Variants in LAMA5 observed in about 807,000 individuals in gnomAD.
LAMA5 encodes laminin subunit alpha-5.
Under a neutral mutation model 433.4 loss-of-function variants are expected in LAMA5, and 260 were observed. The observed-to-expected ratio is 0.60, with a 90% CI of 0.54 to 0.66. The LOEUF is 0.66. Among genes scored for constraint, LAMA5 ranks in the 30% least tolerant of loss-of-function variants. LAMA5 has a pLI of 0.00. For synonymous variants in LAMA5, 2,620 were observed against 2,226.6 expected, an observed-to-expected ratio of 1.18 and a Z score of -4.97; for missense variants, 5,378 against 5,258.5, an observed-to-expected ratio of 1.02 and a Z score of -0.70.
rs150998056 is a variant in LAMA5 at position 62,318,555 on chromosome 20, C to G, written c.7138G>C (p.Gly2380Arg). 2 of 1,610,028 alleles carry G rather than the reference C, an allele frequency of 1.2e-6. No individual in the cohort carries two copies. Among genetic ancestry groups the G allele is most frequent in the South Asian group, 1.1e-5 (1 of 91,080 alleles). ...AAAGCCTCTCGCAGGTCCATGAGGC[C>G]GGCCTCGTGCTGGGCCAGCCGGTCG... ...TRDRLAQHEA[G>R]LMDLREALNR... Residue 2380 changes from glycine to arginine, a missense_variant, in exon 53 of 80, where the codon GGC (glycine) becomes CGC (arginine). Gly to Arg is a moderately radical substitution (Grantham distance 125). Transcript: ENST00000252999.
At chr20:62,336,855 C>A in intron 16 of LAMA5, 69 bp from the exon 17 acceptor site, 1 of 1,519,880 alleles carries the variant, frequency 6.6e-7, no homozygotes, top group Non-Finnish European at 9.0e-7. Context: ...GTGTCCCAGG[C>A]CCAGCCAGAA....
At chr20:62,344,086 G>A (rs1316036637) in intron 11 of LAMA5, among the ~76,000 whole-genome samples, 1 of 145,450 alleles carries the variant, frequency 6.9e-6, no homozygotes, top group Non-Finnish European at 1.5e-5. Flanking sequence ...ACAAGTGGTA[G>A]CGAGCCAAGA....
At chr20:62,345,955 C>T in intron 10 of LAMA5, 78 bp from the exon 11 acceptor site, 1 of 1,568,896 alleles carries the variant, frequency 6.4e-7, no homozygotes, top group South Asian at 1.2e-5. Flanking sequence ...CCCTTGGTCT[C>T]TCAGCACAAT....
intron 11 of LAMA5, among the ~76,000 whole-genome samples, chr20:62,342,468 G>C (rs1036879121): frequency 3.9e-5 from 6 of 152,004 alleles, no homozygotes; most frequent in African/African-American, 1.4e-4. Flanking sequence ...ATGAGGTCAG[G>C]AGATCGAGAC....
intron 2 of LAMA5, among the ~76,000 whole-genome samples, chr20:62,360,155 C>T (rs1456639385): frequency 6.6e-6 from 1 of 151,194 alleles, no homozygotes; most frequent in East Asian, 2.0e-4. Context: ...TGGCAGCCCC[C>T]TGGCCTAGGC....
rs530161111 is a variant in LAMA5, at chr20:62,321,094, G to A, written c.6497-204C>T. Among the ~76,000 whole-genome samples, 111 of 150,432 alleles carry A rather than the reference G, an allele frequency of 7.4e-4. 1 individual carries two copies. In the East Asian group the frequency reaches 0.015, roughly 20 times the overall value. On this transcript the variant is annotated intron_variant, in intron 48 of 79. Transcript: ENST00000252999. Reference sequence around the variant, plus strand: ...GGAGTCAGATGGGAGTGAAGGGCATGGGGTCACCCAGGGAGAAGGTAGGGC... The same window carrying A: ...GGAGTCAGATGGGAGTGAAGGGCATAGGGTCACCCAGGGAGAAGGTAGGGC...
At chr20:62,332,838 C>G in intron 26 of LAMA5, 121 bp from the exon 27 acceptor site, 1 of 1,278,294 alleles carries the variant, frequency 7.8e-7, no homozygotes, top group Non-Finnish European at 1.1e-6. Context: ...CCACCCTGGC[C>G]CGGACATCTC....
rs763581854 is a variant in LAMA5 at position 62,338,024 on chromosome 20, T to C, written c.1883A>G (p.Asn628Ser). Residue 628 changes from asparagine (N) to serine (S), a missense_variant, in exon 14 of 80, where the codon AAC becomes AGC. Asn to Ser is a conservative substitution (Grantham distance 46). Transcript: ENST00000252999. The stretch of plus-strand genomic sequence containing the variant: ...CCTGACCCTCTGCTCACCTTGGCAG[T>C]TGGGGAAACCATGGTAGCCAGGGCG... ...RCRPGYHGFP[N>S]CQACTCDPRG... 2 of 1,597,698 alleles carry C rather than the reference T, an allele frequency of 1.3e-6. No individual in the cohort carries two copies. Among genetic ancestry groups the C allele is most frequent in the South Asian group, 2.2e-5 (2 of 89,672 alleles).
Position 62,311,043 on chromosome 20 carries a change from G to A in LAMA5, c.10140C>T (p.Leu3380=), listed in dbSNP as rs1037981720. ...VLPRSSRGLL[L]FTARLRPGSP... is the part of the protein sequence containing the mutation. The stretch of plus-strand genomic sequence containing the variant: ...TGCCGGGCCTCAGACGGGCAGTGAA[G>A]AGGAGGAGGCCTCGGGAGCTTCGCG... The change falls in exon 74 of 80, where the codon CTC becomes CTT. Residue 3380 remains leucine (L), a synonymous_variant. Transcript: ENST00000252999. The A allele has an allele frequency of 6.2e-7, 1 of 1,607,106 alleles. No individual in the cohort carries two copies. Among genetic ancestry groups the A allele is most frequent in the Admixed American group, 1.7e-5 (1 of 59,410 alleles).
chr20:62,351,253 G>A (rs982889508), intron 6 of LAMA5: 1 of 227,118 alleles, frequency 4.4e-6, no homozygotes, highest in African/African-American at 2.2e-5. Context: ...GAAAGGTTGG[G>A]GGAGCTGGGC....
rs760539664 is a variant in LAMA5, at chr20:62,317,396, G to A, written c.7460C>T (p.Ala2487Val). The stretch of plus-strand genomic sequence containing the variant: ...CAGCTGCTGTGCGTGGGCCTCGGCG[G>A]CCTCCACTAGACGCAGCTTGCTGCC... ...PAGSKLRLVE[A>V]AEAHAQQLGQ... The change falls in exon 55 of 80, where the codon GCC (alanine) becomes GTC (valine). Residue 2487 changes from alanine to valine, a missense_variant. Coordinates refer to ENST00000252999, the MANE Select transcript of LAMA5 (RefSeq NM_005560.6). The A allele has an allele frequency of 1.6e-5, 25 of 1,609,910 alleles. No individual in the cohort carries two copies. Among genetic ancestry groups the A allele is most frequent in the Non-Finnish European group, 1.9e-5 (22 of 1,179,030 alleles).
Position 62,318,977 on chromosome 20 carries a change from T to C in LAMA5, c.6908A>G (p.Asn2303Ser), listed in dbSNP as rs747108437. ...CTGCTCACCTGATGGAGCCGAGGCA[T>C]TGGCCAGCCCCAGGTGGCCCGTCTG... ...MSQTGHLGLA[N>S]ASAPSGEQLL... The change falls in exon 52 of 80, where the codon AAT (asparagine) becomes AGT (serine). Residue 2303 changes from asparagine to serine, a missense_variant. By Grantham distance (46) the Asn-to-Ser change is conservative. Coordinates refer to ENST00000252999, the MANE Select transcript of LAMA5 (RefSeq NM_005560.6). The C allele has an allele frequency of 5.0e-6, 8 of 1,594,062 alleles. No homozygotes were observed. Among genetic ancestry groups the C allele is most frequent in the Non-Finnish European group, 6.8e-6 (8 of 1,172,586 alleles).
At position 62,313,261 on chromosome 20, in the gene LAMA5, G is replaced by A. The variant is rs776571965; in HGVS notation, c.8793-11C>T. The A allele has an allele frequency of 2.8e-5, 33 of 1,160,498 alleles. No individual in the cohort carries two copies. Among genetic ancestry groups the A allele is most frequent in the Non-Finnish European group, 3.7e-5 (32 of 870,176 alleles). 71.9% of individuals were successfully genotyped at this position (1,160,498 alleles called of 1,614,324 possible). ...CCGGTCGACTTGGAGCTGCAGGTCG[G>A]AGATTCTGGGGTCAGCGGAGGGTGG... On this transcript the variant is annotated splice_polypyrimidine_tract_variant and intron_variant, in intron 64 of 79. Transcript: ENST00000252999.
chr20:62,329,283 C>A (rs199565516), intron 32 of LAMA5, 30 bp from the exon 33 acceptor site: 3 of 1,547,260 alleles, frequency 1.9e-6, no homozygotes, highest in South Asian at 1.1e-5. Flanking sequence ...CACTCTCCCG[C>A]GGGCCCAGAG....
Position 62,324,708 on chromosome 20 carries a change from A to C in LAMA5, c.5530-154T>G. The C allele has an allele frequency of 5.0e-6, 3 of 605,278 alleles. No homozygotes were observed. The highest frequency in any genetic ancestry group is 5.7e-5 in the East Asian group (2 of 35,340). 37.5% of individuals were successfully genotyped at this position (605,278 alleles called of 1,614,324 possible). A position where few individuals can be genotyped will look rare whatever the true frequency, so the allele number is the denominator to read the frequency against. On this transcript the variant is annotated intron_variant, in intron 41 of 79. Coordinates refer to ENST00000252999, the MANE Select transcript of LAMA5 (RefSeq NM_005560.6). This position sits in a 1 kb window ranked among gnomAD's most constrained non-coding sequence, Gnocchi z 4.4. ...CCGCTGGGTCAGAGGCTGGTCAGGA[A>C]CTCCTGGCCTCGGCCGGCTGGAGGT...
intron 63 of LAMA5, 70 bp downstream of exon 63, chr20:62,313,579 G>A: frequency 1.3e-6 from 2 of 1,584,290 alleles, no homozygotes; most frequent in Non-Finnish European, 1.7e-6. Context: ...AGAACCCGCG[G>A]CTCTCCAGGA....
Position 62,328,854 on chromosome 20 carries a change from G to T in LAMA5, c.4437C>A (p.Pro1479=). Residue 1479 remains proline, a synonymous_variant, in exon 34 of 80, where the codon CCC becomes CCA. Coordinates refer to ENST00000252999, the MANE Select transcript of LAMA5 (RefSeq NM_005560.6). ...SRCATGYWGF[P]NCRPCDCGAR... is the part of the protein sequence containing the mutation. ...GACTGGGGTACTCACGCCTGCAGTT[G>T]GGGAAGCCCCAGTATCCGGTGGCAC... 1.2e-6 allele frequency: 2 copies of T among 1,610,978 alleles called. No individual in the cohort carries two copies. The highest frequency in any genetic ancestry group is 1.7e-6 in the Non-Finnish European group (2 of 1,179,344).
chr20:62,327,210 C>G (rs1356301440), intron 38 of LAMA5, 23 bp downstream of exon 38: 1 of 1,485,154 alleles, frequency 6.7e-7, no homozygotes, highest in Admixed American at 2.5e-5. Context: ...AAGTGCCTCC[C>G]CCAGACCTGA....
intron 32 of LAMA5, 33 bp from the exon 33 acceptor site, chr20:62,329,286 G>T (rs1433220878): frequency 6.5e-7 from 1 of 1,530,234 alleles, no homozygotes; most frequent in Admixed American, 1.7e-5. Context: ...TCTCCCGCGG[G>T]CCCAGAGCCT....
Sources: gnomAD v4.1 joint callset for allele counts (sites outside exome capture counted in the v4.1 genomes callset) on GRCh38, gnomAD v4.1.1 for gene constraint, Gnocchi (gnomAD v3.1) non-coding constraint, MANE v1.5 for transcripts, NCBI Gene and HGNC (gene_info 2026-07-23, HGNC 2026-07-21) for gene names.